The following SIPA1L3 variants were observed in gnomAD, a reference collection of about 807,000 sequenced individuals.
SIPA1L3 encodes the protein signal induced proliferation associated 1 like 3.
A neutral mutation model predicts 150.1 loss-of-function variants in SIPA1L3; 59 were observed. That is an observed-to-expected ratio of 0.39 (90% CI 0.32 to 0.49). SIPA1L3 has a LOEUF of 0.49. SIPA1L3 is among the 20% of genes least tolerant of loss of function. SIPA1L3 has a pLI of 0.86. For missense variants in SIPA1L3, 2,211 were observed against 2,489.5 expected, an observed-to-expected ratio of 0.89 and a Z score of 2.38; for synonymous variants, 1,070 against 1,077.6, an observed-to-expected ratio of 0.99 and a Z score of 0.14.
intron 2 of SIPA1L3, among the ~76,000 whole-genome samples, chr19:38,073,621 G>A (rs368288303): frequency 2.5e-4 from 38 of 152,268 alleles, no homozygotes; most frequent in African/African-American, 7.5e-4. Flanking sequence ...GTCTGTGGCC[G>A]AATCACAATT....
intron 1 of SIPA1L3, among the ~76,000 whole-genome samples, chr19:37,928,978 A>G (rs1223974808): frequency 6.6e-6 from 1 of 152,178 alleles, no homozygotes; most frequent in East Asian, 1.9e-4. Flanking sequence ...ATGACTGCCA[A>G]GGCTCCAGTT....
intron 1 of SIPA1L3, among the ~76,000 whole-genome samples, chr19:38,010,686 G>A (rs536564188): frequency 2.6e-4 from 39 of 152,210 alleles, no homozygotes; most frequent in African/African-American, 8.7e-4. Flanking sequence ...ACTCCAGCCC[G>A]GGCAACAAGA....
intron 2 of SIPA1L3, among the ~76,000 whole-genome samples, chr19:38,078,438 G>GCA (rs66830496): frequency 0.19 from 27,032 of 138,760 alleles, 3,109 homozygotes; most frequent in African/African-American, 0.35. Context: ...GCGCATACAT[G>GCA]CACACACACA....
At chr19:38,112,801 C>A (rs915620567) in intron 8 of SIPA1L3, among the ~76,000 whole-genome samples, 8 of 152,166 alleles carry the variant, frequency 5.3e-5, no homozygotes, top group African/African-American at 1.9e-4. Context: ...CTGGACAGAC[C>A]TGACCCTGCC....
intron 15 of SIPA1L3, among the ~76,000 whole-genome samples, chr19:38,182,255 C>T (rs1455378597): frequency 3.3e-5 from 5 of 151,952 alleles, no homozygotes; most frequent in African/African-American, 4.8e-5. Flanking sequence ...ACCAAGGAGA[C>T]GGGAGTGAAT....
chr19:38,182,886 G>T, intron 16 of SIPA1L3, 146 bp downstream of exon 16: 1 of 638,144 alleles, frequency 1.6e-6, no homozygotes, highest in South Asian at 2.2e-5. Flanking sequence ...GCAGCTGCAA[G>T]CAGGACAGGC....
intron 19 of SIPA1L3, 118 bp from the exon 20 acceptor site, chr19:38,201,744 T>C: frequency 8.9e-7 from 1 of 1,125,688 alleles, no homozygotes; most frequent in Non-Finnish European, 1.2e-6. Flanking sequence ...GCCGATGCAG[T>C]CTGTCCCAAG....
intron 4 of SIPA1L3, among the ~76,000 whole-genome samples, chr19:38,098,605 G>A (rs564874664): frequency 1.3e-5 from 2 of 152,118 alleles, no homozygotes; most frequent in African/African-American, 4.8e-5. Context: ...ATGTTGGCCA[G>A]GCTGGTCTCA....
chr19:38,129,993 G>T (rs373369965), intron 9 of SIPA1L3, among the ~76,000 whole-genome samples: 1 of 152,180 alleles, frequency 6.6e-6, no homozygotes. Context: ...CTTGAACCCA[G>T]GAAGCAGACG....
intron 6 of SIPA1L3, among the ~76,000 whole-genome samples, chr19:38,104,568 G>T (rs1053475234): frequency 6.6e-6 from 1 of 151,858 alleles, no homozygotes; most frequent in Non-Finnish European, 1.5e-5. Flanking sequence ...GTTAGTATTG[G>T]TTTTTTTGTT....
intron 1 of SIPA1L3, among the ~76,000 whole-genome samples, chr19:37,936,386 A>T (rs960334122): frequency 5.3e-5 from 8 of 152,326 alleles, no homozygotes; most frequent in African/African-American, 1.9e-4. Flanking sequence ...ACTGTTTAGT[A>T]AATTCCTGGC....
At chr19:37,930,037 T>TTC (rs1204350603) in intron 1 of SIPA1L3, among the ~76,000 whole-genome samples, 1 of 150,588 alleles carries the variant, frequency 6.6e-6, no homozygotes, top group East Asian at 2.0e-4. Context: ...TTTTTTTTTT[T>TTC]TTTTTTAGTT....
At chr19:38,162,207 G>T (rs751818158) in intron 13 of SIPA1L3, 46 bp from the exon 14 acceptor site, 1 of 1,494,156 alleles carries the variant, frequency 6.7e-7, no homozygotes, top group Admixed American at 1.7e-5. Context: ...TCAGGCCCTG[G>T]CCTGAGTCAC....
At chr19:38,185,781 G>A (rs1327629316) in intron 16 of SIPA1L3, 1 of 152,166 alleles carries the variant, frequency 6.6e-6, no homozygotes, top group Non-Finnish European at 1.5e-5. Flanking sequence ...AACGGGATTA[G>A]GGGTCTACCC....
intron 1 of SIPA1L3, among the ~76,000 whole-genome samples, chr19:37,983,453 A>G (rs1203257502): frequency 6.6e-6 from 1 of 152,210 alleles, no homozygotes; most frequent in Non-Finnish European, 1.5e-5. Context: ...TGGCACAGGC[A>G]CTGGCTTAAG....
chr19:38,193,832 G>A lies in SIPA1L3; in HGVS notation c.4840+52G>A, dbSNP rs569918975. ...GCGGTAGTTACCCCAAGGTTGGGAG[G>A]TGGGGATGCCCGAGCAGGGGCTCAC... On this transcript the variant is annotated intron_variant, in intron 18 of 21. Coordinates refer to ENST00000222345, the MANE Select transcript of SIPA1L3 (RefSeq NM_015073.3). 5.7e-5 allele frequency: 84 copies of A among 1,483,348 alleles called. 1 individual carries two copies. The highest frequency in any genetic ancestry group is 2.5e-4 in the Middle Eastern group (1 of 4,004). 91.9% of individuals were successfully genotyped at this position (1,483,348 alleles called of 1,614,324 possible).
At chr19:38,051,729 T>A (rs186246345) in intron 2 of SIPA1L3, among the ~76,000 whole-genome samples, 41 of 152,314 alleles carry the variant, frequency 2.7e-4, no homozygotes, top group Non-Finnish European at 4.4e-4. Context: ...CCTGAGTAGC[T>A]GGGACCACAG....
At chr19:37,952,722 T>G (rs139941863) in intron 1 of SIPA1L3, among the ~76,000 whole-genome samples, 6 of 152,318 alleles carry the variant, frequency 3.9e-5, no homozygotes, top group Non-Finnish European at 8.8e-5. Flanking sequence ...CAGAAATGAT[T>G]TGTATGAATC....
At position 38,119,549 on chromosome 19, in the gene SIPA1L3, C is replaced by T; in HGVS notation, c.2535C>T (p.Asn845=). 1.2e-6 allele frequency: 2 copies of T among 1,614,228 alleles called. No individual in the cohort carries two copies. The highest frequency in any genetic ancestry group is 1.7e-6 in the Non-Finnish European group (2 of 1,180,048). ...NTPIDSTGKF[N]LISLTSKKKE... Reference sequence around the variant, plus strand: ...CCATCGACTCCACCGGCAAATTCAACCTCATCTCCCTGACCTCCAAGAAGA... The same window carrying T: ...CCATCGACTCCACCGGCAAATTCAATCTCATCTCCCTGACCTCCAAGAAGA... Residue 845 remains asparagine, a synonymous_variant, in exon 9 of 22, where the codon AAC becomes AAT. Transcript: ENST00000222345.
Sources: gnomAD v4.1 joint callset for allele counts (sites outside exome capture counted in the v4.1 genomes callset) on GRCh38, gnomAD v4.1.1 for gene constraint, MANE v1.5 for transcripts, NCBI Gene and HGNC (gene_info 2026-07-23, HGNC 2026-07-21) for gene names.